Variants in KCNJ3 observed in about 807,000 individuals in gnomAD.
KCNJ3 encodes potassium inwardly rectifying channel subfamily J member 3, also known as G protein-activated inward rectifier potassium channel 1.
Under a neutral mutation model 39.2 loss-of-function variants are expected in KCNJ3, and 4 were observed. That is an observed-to-expected ratio of 0.10 (90% CI 0.05 to 0.23). The LOEUF (loss-of-function observed/expected upper bound fraction) is 0.23. Ranked by LOEUF, KCNJ3 falls within the 10% of genes least tolerant of loss-of-function variation. KCNJ3 has a pLI of 1.00. For synonymous variants in KCNJ3, 230 were observed against 237.4 expected (o/e 0.97, Z 0.29); for missense variants, 276 against 634.9 (o/e 0.43, Z 6.08).
At chr2:154,750,825 T>A (rs2105181431) in intron 2 of KCNJ3, among the ~76,000 whole-genome samples, 1 of 152,132 alleles carries the variant, frequency 6.6e-6, no homozygotes, top group South Asian at 2.1e-4. Flanking sequence ...ACAGTGAAAA[T>A]TCTCATTATT....
chr2:154,835,109 C>A (rs1423167343), intron 2 of KCNJ3, among the ~76,000 whole-genome samples: 2 of 151,558 alleles, frequency 1.3e-5, no homozygotes, highest in African/African-American at 4.8e-5. Context: ...AGAAAAATGT[C>A]ATTTTATTTC....
At chr2:154,793,563 A>G (rs1311149222) in intron 2 of KCNJ3, among the ~76,000 whole-genome samples, 1 of 152,062 alleles carries the variant, frequency 6.6e-6, no homozygotes. Flanking sequence ...ATGGCCCTCA[A>G]TTCTTCAAAA....
chr2:154,812,917 A>C (rs1395634361), intron 2 of KCNJ3, among the ~76,000 whole-genome samples: 1 of 152,170 alleles, frequency 6.6e-6, no homozygotes, highest in Non-Finnish European at 1.5e-5. Context: ...TTTATTGAGC[A>C]CTTTGTGTAT....
At chr2:154,748,445 G>A (rs1463689321) in intron 2 of KCNJ3, among the ~76,000 whole-genome samples, 2 of 151,640 alleles carry the variant, frequency 1.3e-5, no homozygotes, top group South Asian at 4.2e-4. Flanking sequence ...TGGAGTTTCT[G>A]TTAAAAACTA....
In KCNJ3 at chr2:154,855,195, T is replaced by C; in HGVS notation, c.1388T>C (p.Met463Thr). The part of the protein sequence containing the change: ...SKTTKMLSDP[M>T]SQSVADLPPK... Reference sequence around the variant, plus strand: ...ACCACCAAGATGTTATCTGATCCCATGAGCCAGTCTGTGGCTGATTTGCCA... The same window carrying C: ...ACCACCAAGATGTTATCTGATCCCACGAGCCAGTCTGTGGCTGATTTGCCA... The change falls in exon 3 of 3, where the codon ATG (methionine) becomes ACG (threonine). Residue 463 changes from methionine to threonine, a missense_variant. By Grantham distance (81) the Met-to-Thr change is moderately conservative. This residue lies in a region of KCNJ3 where 126 missense variants were observed against 179.8 expected (regional missense o/e 0.70). Coordinates refer to ENST00000295101, the MANE Select transcript of KCNJ3 (RefSeq NM_002239.4). 6.2e-7 allele frequency: 1 copy of C among 1,613,764 alleles called. No homozygotes were observed. The highest frequency in any genetic ancestry group is 8.5e-7 in the Non-Finnish European group (1 of 1,179,864).
intron 2 of KCNJ3, among the ~76,000 whole-genome samples, chr2:154,717,376 T>G (rs1311625690): frequency 1.3e-5 from 2 of 152,142 alleles, no homozygotes; most frequent in Admixed American, 1.3e-4. Context: ...ATTGGTGTGA[T>G]AGAAAGATGC....
chr2:154,850,429 TG>T (rs1687739655), intron 2 of KCNJ3, among the ~76,000 whole-genome samples: 1 of 152,168 alleles, frequency 6.6e-6, no homozygotes, highest in African/African-American at 2.4e-5. Flanking sequence ...AGTTGAAATT[TG>T]CATTTTATTT....
At chr2:154,759,792 T>A (rs2105187905) in intron 2 of KCNJ3, among the ~76,000 whole-genome samples, 1 of 152,294 alleles carries the variant, frequency 6.6e-6, no homozygotes, top group South Asian at 2.1e-4. Flanking sequence ...TTAACTTCAT[T>A]GTATTTTTCA....
chr2:154,807,371 A>C (rs1324409891), intron 2 of KCNJ3, among the ~76,000 whole-genome samples: 1 of 152,188 alleles, frequency 6.6e-6, no homozygotes, highest in East Asian at 1.9e-4. Flanking sequence ...GGAAAATGTT[A>C]ATTACAATAG....
At chr2:154,811,277 A>G (rs1023452596) in intron 2 of KCNJ3, among the ~76,000 whole-genome samples, 3 of 152,100 alleles carry the variant, frequency 2.0e-5, no homozygotes, top group South Asian at 2.1e-4. Context: ...GACAGGTTAT[A>G]TTAAAATGTG....
chr2:154,819,568 G>C (rs1345508590), intron 2 of KCNJ3, among the ~76,000 whole-genome samples: 1 of 151,334 alleles, frequency 6.6e-6, no homozygotes, highest in African/African-American at 2.4e-5. Flanking sequence ...GTCTTGTTTT[G>C]TCACCAGGCT....
intron 2 of KCNJ3, among the ~76,000 whole-genome samples, chr2:154,721,451 A>G (rs181571542): frequency 2.0e-5 from 3 of 152,292 alleles, no homozygotes; most frequent in Non-Finnish European, 4.4e-5. Context: ...TCCAGGTTCT[A>G]CTAGACCAGT....
At chr2:154,737,262 C>T (rs1444782193) in intron 2 of KCNJ3, among the ~76,000 whole-genome samples, 1 of 152,182 alleles carries the variant, frequency 6.6e-6, no homozygotes, top group Non-Finnish European at 1.5e-5. Context: ...GCAAAATTAT[C>T]TCTAGATTGA....
chr2:154,755,838 C>T (rs1290480236), intron 2 of KCNJ3, among the ~76,000 whole-genome samples: 2 of 151,944 alleles, frequency 1.3e-5, no homozygotes, highest in Non-Finnish European at 1.5e-5. Context: ...AGATTTGGTT[C>T]TGTCTTGTAC....
intron 1 of KCNJ3, among the ~76,000 whole-genome samples, chr2:154,703,320 A>G (rs1684942686): frequency 6.6e-6 from 1 of 152,058 alleles, no homozygotes; most frequent in Non-Finnish European, 1.5e-5. Context: ...ACTTCTTTAT[A>G]GTTCTATTTA....
intron 1 of KCNJ3, among the ~76,000 whole-genome samples, chr2:154,704,943 G>A (rs540255733): frequency 1.3e-5 from 2 of 152,278 alleles, no homozygotes; most frequent in Non-Finnish European, 2.9e-5. Context: ...GTGGGGAGGT[G>A]GTAAGCAAGA....
At chr2:154,746,609 GATATATATAT>G in intron 2 of KCNJ3, among the ~76,000 whole-genome samples, 1 of 143,388 alleles carries the variant, frequency 7.0e-6, no homozygotes, top group African/African-American at 2.6e-5. Flanking sequence ...CGTATACACA[GATATATATAT>G]ATATATATAT....
chr2:154,806,749 C>T (rs1262154880), intron 2 of KCNJ3, among the ~76,000 whole-genome samples: 1 of 152,162 alleles, frequency 6.6e-6, no homozygotes, highest in Non-Finnish European at 1.5e-5. Context: ...ACACTATTTA[C>T]CTCAACCATG....
Position 154,838,603 on chromosome 2 carries a change from G to GGTAA in KCNJ3, c.920-16121_920-16118dup, listed in dbSNP as rs200486345. 7.3e-3 allele frequency among the ~76,000 whole-genome samples: 1,107 copies of GGTAA among 152,240 alleles called. 12 individuals carry two copies. The highest frequency in any genetic ancestry group is 0.025 in the African/African-American group (1,044 of 41,530). On this transcript the variant is annotated intron_variant, in intron 2 of 2. Transcript: ENST00000295101. The stretch of plus-strand genomic sequence containing the variant: ...GATTTTTAAGAGTGAAAATTGTAAT[G>GGTAA]GTAAGTTAGAACTAGATTTTGAAGG...
Sources: allele counts gnomAD v4.1 joint callset (sites outside exome capture counted in the v4.1 genomes callset), GRCh38; gene constraint gnomAD v4.1.1; regional missense constraint gnomAD v4.1.1; transcripts MANE v1.5; gene names NCBI Gene and HGNC (gene_info 2026-07-23, HGNC 2026-07-21).